The following INPP5K variants were observed in gnomAD, a reference collection of about 807,000 sequenced individuals.
INPP5K encodes the protein inositol polyphosphate-5-phosphatase K.
In INPP5K, 35 loss-of-function variants were observed where a neutral mutation model predicts 53.5. That is an observed-to-expected ratio of 0.65 (90% CI 0.50 to 0.87). INPP5K has a LOEUF of 0.87. Among genes scored for constraint, INPP5K ranks in the 40% least tolerant of loss-of-function variants. The probability of loss-of-function intolerance (pLI) is 0.00; values close to 1 mark genes in which losing one functional copy is unlikely to be tolerated. For synonymous variants in INPP5K, 253 were observed against 232.8 expected (o/e 1.09, Z -0.79); for missense variants, 550 against 586.2 (o/e 0.94, Z 0.64).
chr17:1,503,730 A>G (rs567665062), intron 7 of INPP5K, among the ~76,000 whole-genome samples: 1 of 152,058 alleles, frequency 6.6e-6, no homozygotes, highest in Non-Finnish European at 1.5e-5. Context: ...AAAAAAATAA[A>G]ACACTTTGTC....
chr17:1,516,412 G>T, intron 1 of INPP5K, 44 bp downstream of exon 1: 1 of 1,559,416 alleles, frequency 6.4e-7, no homozygotes, highest in Non-Finnish European at 8.6e-7. Flanking sequence ...AAGGGGCGCC[G>T]ATCCCCCCGA....
At chr17:1,499,276 G>T (rs1484732371) in intron 7 of INPP5K, among the ~76,000 whole-genome samples, 2 of 152,194 alleles carry the variant, frequency 1.3e-5, no homozygotes, top group Non-Finnish European at 2.9e-5. Context: ...ACTTTGGGAG[G>T]CCAGGGTGGG....
In INPP5K at chr17:1,496,708, C is replaced by T. The variant is rs985239292; in HGVS notation, c.1059G>A (p.Ser353=). 9.3e-6 allele frequency: 15 copies of T among 1,614,184 alleles called. No homozygotes were observed. The highest frequency in any genetic ancestry group is 1.3e-5 in the Non-Finnish European group (15 of 1,180,032). The part of the protein sequence containing the change: ...NDMMVSYSST[S]DFPSSPWDWI... ...AGTCCCACGGGCTGCTGGGGAAGTC[C>T]GAGGTTGAAGAGTAGCTGACCATCA... Residue 353 remains serine (S), a synonymous_variant, in exon 9 of 12, where the codon TCG becomes TCA. Coordinates refer to ENST00000421807, the MANE Select transcript of INPP5K (RefSeq NM_016532.4).
At chr17:1,509,114 TG>T in intron 5 of INPP5K, 63 bp downstream of exon 5, 1 of 907,952 alleles carries the variant, frequency 1.1e-6, no homozygotes, top group Non-Finnish European at 1.5e-6. Context: ...GGCTCACTCG[TG>T]GGGGTTAGTG....
intron 4 of INPP5K, 40 bp from the exon 5 acceptor site, chr17:1,509,393 G>A: frequency 6.3e-7 from 1 of 1,578,668 alleles, no homozygotes; most frequent in Non-Finnish European, 8.7e-7. Context: ...AAGCTACTCG[G>A]GTTGGACACA....
intron 7 of INPP5K, among the ~76,000 whole-genome samples, chr17:1,501,268 C>T (rs1468837164): frequency 1.3e-5 from 2 of 152,176 alleles, no homozygotes; most frequent in African/African-American, 2.4e-5. Flanking sequence ...TATTCAACTG[C>T]TATTTTAAAT....
rs2074782148 is a variant in INPP5K, at chr17:1,494,734, G to A, written c.*1089C>T. The A allele has an allele frequency of 6.6e-6, 1 of 152,316 alleles. No individual in the cohort carries two copies. The highest frequency in any genetic ancestry group is 1.9e-4 in the East Asian group (1 of 5,192). The allele number at this position is 152,316 out of a possible 1,614,324, so 9.4% of individuals were successfully genotyped here. On this transcript the variant is annotated 3_prime_UTR_variant, in exon 12 of 12. Transcript: ENST00000421807. ...GAGTAACCCTCAGTCCCAGGACACA[G>A]GATGGCAGGACAAGCACTGAGCAGG...
intron 7 of INPP5K, among the ~76,000 whole-genome samples, chr17:1,499,580 G>A (rs967305721): frequency 6.6e-6 from 1 of 152,126 alleles, no homozygotes; most frequent in Non-Finnish European, 1.5e-5. Flanking sequence ...AATACGCTCC[G>A]GAGACAAAAT....
At chr17:1,504,414 A>G (rs1346193509) in intron 7 of INPP5K, among the ~76,000 whole-genome samples, 1 of 152,232 alleles carries the variant, frequency 6.6e-6, no homozygotes, top group Non-Finnish European at 1.5e-5. Context: ...TCTGTTCCCC[A>G]GGTGGGCTCA....
At chr17:1,501,549 G>A (rs1184027403) in intron 7 of INPP5K, among the ~76,000 whole-genome samples, 1 of 152,210 alleles carries the variant, frequency 6.6e-6, no homozygotes, top group Admixed American at 6.5e-5. Context: ...GGGTGGTCAC[G>A]AAGCGGTAAC....
chr17:1,496,413 G>A lies in INPP5K; in HGVS notation c.1102-11C>T. 6.4e-7 allele frequency: 1 copy of A among 1,554,802 alleles called. No individual in the cohort carries two copies. Among genetic ancestry groups the A allele is most frequent in the Non-Finnish European group, 8.7e-7 (1 of 1,148,362 alleles). ...GTCCCGCAGCCCCACCTGTGAGGGG[G>A]AGTCAGGCCATCAGTGGTCAGGGAG... is the stretch of plus-strand genomic sequence containing the variant. On this transcript the variant is annotated splice_polypyrimidine_tract_variant and intron_variant, in intron 9 of 11. Coordinates refer to ENST00000421807, the MANE Select transcript of INPP5K (RefSeq NM_016532.4).
chr17:1,511,480 G>A (rs1242596072), intron 3 of INPP5K, among the ~76,000 whole-genome samples: 3 of 152,180 alleles, frequency 2.0e-5, no homozygotes, highest in Non-Finnish European at 2.9e-5. Context: ...TGGGGAGCGT[G>A]TACTGGGGCC....
intron 3 of INPP5K, 37 bp downstream of exon 3, chr17:1,513,416 A>C: frequency 1.3e-6 from 2 of 1,512,234 alleles, no homozygotes; most frequent in Non-Finnish European, 1.8e-6. Flanking sequence ...GAGATGTGAA[A>C]ACACAGTTGT....
intron 7 of INPP5K, among the ~76,000 whole-genome samples, chr17:1,503,472 C>T (rs920462050): frequency 3.3e-5 from 5 of 152,106 alleles, no homozygotes; most frequent in Non-Finnish European, 1.5e-5. Flanking sequence ...CGTGAGCCAC[C>T]GCACCCGGCC....
intron 1 of INPP5K, 58 bp from the exon 2 acceptor site, chr17:1,514,037 G>T: frequency 7.9e-7 from 1 of 1,271,330 alleles, no homozygotes; most frequent in Non-Finnish European, 1.1e-6. Flanking sequence ...AGTGCACGGG[G>T]TCGGCTGGGC....
At chr17:1,512,315 G>A (rs1043739415) in intron 3 of INPP5K, among the ~76,000 whole-genome samples, 4 of 152,140 alleles carry the variant, frequency 2.6e-5, no homozygotes, top group African/African-American at 4.8e-5. Context: ...AGAAGTGGTT[G>A]TGTCCTCTGT....
intron 3 of INPP5K, chr17:1,510,518 A>G (rs536248165): frequency 1.3e-5 from 2 of 152,234 alleles, no homozygotes; most frequent in African/African-American, 4.8e-5. Flanking sequence ...AGCATTCTTA[A>G]AAGGAAGGAA....
chr17:1,502,347 TCAAACAAA>T (rs369537528), intron 7 of INPP5K, among the ~76,000 whole-genome samples: 6 of 152,130 alleles, frequency 3.9e-5, no homozygotes, highest in Admixed American at 1.3e-4. Flanking sequence ...AGACTCCGTC[TCAAACAAA>T]CAAACAAACA....
At chr17:1,495,902 G>A (rs1461412446) in intron 11 of INPP5K, 23 bp from the exon 12 acceptor site, 6 of 1,599,732 alleles carry the variant, frequency 3.8e-6, no homozygotes, top group Admixed American at 1.7e-5. Context: ...AGCAGGTGGT[G>A]GAAATGGAGA....
Sources: gnomAD v4.1 joint callset for allele counts (sites outside exome capture counted in the v4.1 genomes callset) on GRCh38, gnomAD v4.1.1 for gene constraint, MANE v1.5 for transcripts, NCBI Gene and HGNC (gene_info 2026-07-23, HGNC 2026-07-21) for gene names.